The following GUCY1B1 variants were observed in gnomAD, a reference collection of about 807,000 sequenced individuals.
The protein encoded by GUCY1B1 is guanylate cyclase 1 soluble subunit beta 1, also known as guanylate cyclase soluble subunit beta-1.
GUCY1B1 carries 43 observed loss-of-function variants against 71.0 expected under a neutral mutation model. The observed-to-expected ratio is 0.61, with a 90% CI of 0.47 to 0.78. The LOEUF (loss-of-function observed/expected upper bound fraction) is 0.78, where lower values mean the gene tolerates loss of function less well. Among genes scored for constraint, GUCY1B1 ranks in the 30% least tolerant of loss-of-function variants. The pLI is 0.00. For missense variants in GUCY1B1, 535 were observed against 754.1 expected (o/e 0.71, Z 3.40); for synonymous variants, 266 against 259.7 (o/e 1.02, Z -0.23).
chr4:155,773,588 C>A (rs1272401987), intron 2 of GUCY1B1, among the ~76,000 whole-genome samples: 1 of 152,144 alleles, frequency 6.6e-6, no homozygotes, highest in Non-Finnish European at 1.5e-5. Context: ...TTGACCTTGA[C>A]CCCTTGTCCG....
intron 5 of GUCY1B1, among the ~76,000 whole-genome samples, chr4:155,792,407 G>A (rs76119206): frequency 2.0e-5 from 3 of 152,074 alleles, no homozygotes; most frequent in Non-Finnish European, 4.4e-5. Flanking sequence ...TGTCATTTAA[G>A]GTTGACTCTC....
chr4:155,777,601 A>C lies in GUCY1B1; in HGVS notation c.256A>C (p.Ile86Leu), dbSNP rs754998839. 6.2e-7 allele frequency: 1 copy of C among 1,606,514 alleles called. No homozygotes were observed. Among genetic ancestry groups the C allele is most frequent in the Non-Finnish European group, 8.5e-7 (1 of 1,173,132 alleles). Residue 86 changes from isoleucine to leucine, a missense_variant, in exon 4 of 14, where the codon ATC becomes CTC. Coordinates refer to ENST00000264424, the MANE Select transcript of GUCY1B1 (RefSeq NM_000857.5). ...VFCQESGYDT[I>L]LRVLGSNVRE... ...TTGCCAAGAATCTGGTTATGATACA[A>C]TCTTGCGTGTCCTGGGCTCTAATGT... is the stretch of plus-strand genomic sequence containing the variant.
chr4:155,769,301 A>G (rs1233882482), intron 2 of GUCY1B1, among the ~76,000 whole-genome samples: 1 of 152,150 alleles, frequency 6.6e-6, no homozygotes, highest in African/African-American at 2.4e-5. Context: ...TGTGTGAGGA[A>G]AGACTTTGAC....
intron 11 of GUCY1B1, 28 bp from the exon 12 acceptor site, chr4:155,804,565 G>A: frequency 6.4e-7 from 1 of 1,572,628 alleles, no homozygotes; most frequent in Non-Finnish European, 8.7e-7. Flanking sequence ...TGATCAAAAT[G>A]ATTGAAGCAA....
chr4:155,807,344 G>A lies in GUCY1B1; in HGVS notation c.*935G>A, dbSNP rs917159758. ...GCTTAGAAGAATGTGATTATATCCA[G>A]GACATCATGTTCAGAAAACTTAGTT... is the stretch of plus-strand genomic sequence containing the variant. On this transcript the variant is annotated 3_prime_UTR_variant, in exon 14 of 14. Transcript: ENST00000264424. 1.2e-4 allele frequency: 19 copies of A among 152,102 alleles called. No individual in the cohort carries two copies. Among genetic ancestry groups the A allele is most frequent in the African/African-American group, 4.6e-4 (19 of 41,428 alleles). The allele number at this position is 152,102 out of a possible 1,614,324, so 9.4% of individuals were successfully genotyped here.
intron 8 of GUCY1B1, among the ~76,000 whole-genome samples, chr4:155,799,091 C>T (rs1579253311): frequency 6.6e-6 from 1 of 152,190 alleles, no homozygotes; most frequent in East Asian, 1.9e-4. Flanking sequence ...CCCACCTCGC[C>T]TCCCAAAGTC....
chr4:155,777,381 A>AT, intron 3 of GUCY1B1, 143 bp from the exon 4 acceptor site: 1 of 609,348 alleles, frequency 1.6e-6, no homozygotes, highest in East Asian at 2.8e-5. Context: ...TCCTGGCGGG[A>AT]TTTTTTTCAT....
intron 2 of GUCY1B1, among the ~76,000 whole-genome samples, chr4:155,760,525 A>T (rs1434537975): frequency 7.4e-6 from 1 of 135,310 alleles, no homozygotes; most frequent in African/African-American, 2.8e-5. Context: ...CTTTGAGCCC[A>T]GTACTGGGGA....
At position 155,802,148 on chromosome 4, in the gene GUCY1B1, A is replaced by G. The variant is rs1388297617; in HGVS notation, c.1176-194A>G. 21 of 1,319,190 alleles carry G rather than the reference A, an allele frequency of 1.6e-5. No individual in the cohort carries two copies. The highest frequency in any genetic ancestry group is 1.9e-5 in the Non-Finnish European group (19 of 989,632). 81.7% of individuals were successfully genotyped at this position (1,319,190 alleles called of 1,614,324 possible). ...GATGTCTTATGTGATTAGGATGAAC[A>G]AATAATTTATGTTTTCTGTAAATCC... On this transcript the variant is annotated intron_variant, in intron 9 of 13. Coordinates refer to ENST00000264424, the MANE Select transcript of GUCY1B1 (RefSeq NM_000857.5). The surrounding 1 kb of genome is among the most constrained non-coding windows in gnomAD (Gnocchi z 4.3).
chr4:155,798,489 A>G (rs1484190676), intron 8 of GUCY1B1, among the ~76,000 whole-genome samples: 2 of 152,170 alleles, frequency 1.3e-5, no homozygotes, highest in Admixed American at 6.5e-5. Context: ...GTGGATTTAC[A>G]TATCCATTTT....
chr4:155,767,037 G>A (rs1240489804), intron 2 of GUCY1B1, among the ~76,000 whole-genome samples: 1 of 152,110 alleles, frequency 6.6e-6, no homozygotes, highest in East Asian at 1.9e-4. Flanking sequence ...GAGAATAGAG[G>A]CGTAAAAGAA....
chr4:155,797,199 A>T (rs1323963791), intron 8 of GUCY1B1, among the ~76,000 whole-genome samples: 2 of 152,174 alleles, frequency 1.3e-5, no homozygotes, highest in African/African-American at 4.8e-5. Context: ...TTATTGTGAG[A>T]TGATATTCTG....
At chr4:155,770,100 T>C (rs906496729) in intron 2 of GUCY1B1, among the ~76,000 whole-genome samples, 1 of 152,180 alleles carries the variant, frequency 6.6e-6, no homozygotes. Context: ...TTAAAAGTTA[T>C]GGGATAGCAA....
At chr4:155,783,731 A>G (rs1464166374) in intron 4 of GUCY1B1, among the ~76,000 whole-genome samples, 2 of 152,176 alleles carry the variant, frequency 1.3e-5, no homozygotes, top group African/African-American at 4.8e-5. Flanking sequence ...GGGTTATTTT[A>G]GGAAATATGA....
intron 2 of GUCY1B1, among the ~76,000 whole-genome samples, chr4:155,765,139 G>A (rs188178361): frequency 6.6e-6 from 1 of 152,172 alleles, no homozygotes; most frequent in East Asian, 1.9e-4. Flanking sequence ...CACTCTTAAT[G>A]TACCCAGATC....
chr4:155,799,588 A>G (rs2878123), intron 8 of GUCY1B1, among the ~76,000 whole-genome samples: 18,671 of 152,218 alleles, frequency 0.12, 1,233 homozygotes, highest in Admixed American at 0.18. Context: ...AAATACCTCA[A>G]CGTTTATCAT....
At chr4:155,772,468 G>GCC in intron 2 of GUCY1B1, 1 of 396,220 alleles carries the variant, frequency 2.5e-6, no homozygotes. Context: ...AGGCTGAAAT[G>GCC]CAGTGGCAAG....
intron 4 of GUCY1B1, among the ~76,000 whole-genome samples, chr4:155,783,916 T>A (rs1273303182): frequency 2.0e-5 from 3 of 152,174 alleles, no homozygotes; most frequent in African/African-American, 7.2e-5. Context: ...TTTTATTTTT[T>A]AAAAACTTAT....
intron 4 of GUCY1B1, among the ~76,000 whole-genome samples, chr4:155,781,845 A>T (rs1206146590): frequency 6.6e-6 from 1 of 152,016 alleles, no homozygotes; most frequent in Non-Finnish European, 1.5e-5. Context: ...TCTTTGGTTG[A>T]TTTAATAATT....
Sources: allele counts gnomAD v4.1 joint callset (sites outside exome capture counted in the v4.1 genomes callset), GRCh38; gene constraint gnomAD v4.1.1; non-coding constraint Gnocchi (gnomAD v3.1); transcripts MANE v1.5; gene names NCBI Gene and HGNC (gene_info 2026-07-23, HGNC 2026-07-21).